The following CCN4 variants were observed in gnomAD, a reference collection of about 807,000 sequenced individuals.
CCN4 encodes the protein CCN family member 4.
CCN4 carries 30 observed loss-of-function variants against 36.7 expected under a neutral mutation model. That is an observed-to-expected ratio of 0.82 (90% confidence interval 0.61 to 1.11). CCN4 has a LOEUF of 1.11. Ranked by LOEUF, CCN4 falls within the 50% of genes least tolerant of loss-of-function variation. CCN4 has a pLI of 0.00. For synonymous variants in CCN4, 191 were observed against 195.4 expected, an observed-to-expected ratio of 0.98 and a Z score of 0.19; for missense variants, 505 against 504.9, an observed-to-expected ratio of 1.00 and a Z score of 0.00.
At chr8:133,217,753 C>G (rs1482202361) in intron 2 of CCN4, among the ~76,000 whole-genome samples, 2 of 152,136 alleles carry the variant, frequency 1.3e-5, no homozygotes, top group Non-Finnish European at 2.9e-5. Context: ...GGTTCACCCC[C>G]ATATTCTGAG....
At chr8:133,206,100 G>T (rs943807856) in intron 1 of CCN4, among the ~76,000 whole-genome samples, 1 of 152,138 alleles carries the variant, frequency 6.6e-6, no homozygotes, top group African/African-American at 2.4e-5. Context: ...CCAAACCAGG[G>T]TACTAGAGGC....
rs1040361694 is a variant in CCN4 at position 133,227,799 on chromosome 8, T to C, written c.*89T>C. 7.0e-7 allele frequency: 1 copy of C among 1,421,374 alleles called. No homozygotes were observed. The highest frequency in any genetic ancestry group is 2.3e-5 in the East Asian group (1 of 43,270). 88.0% of individuals were successfully genotyped at this position (1,421,374 alleles called of 1,614,324 possible). ...CCAATAACTTTTCACCAATGAGCCT[T>C]AGTTACCCTGATCTGGACCCTTGGC... is the stretch of plus-strand genomic sequence containing the variant. On this transcript the variant is annotated 3_prime_UTR_variant, in exon 5 of 5. Coordinates refer to ENST00000250160, the MANE Select transcript of CCN4 (RefSeq NM_003882.4).
At chr8:133,200,040 GGTATCCTT>G (rs918097453) in intron 1 of CCN4, among the ~76,000 whole-genome samples, 1 of 152,162 alleles carries the variant, frequency 6.6e-6, no homozygotes, top group Non-Finnish European at 1.5e-5. Flanking sequence ...AGCTCCTAGG[GGTATCCTT>G]GTGTGTCAGT....
intron 1 of CCN4, among the ~76,000 whole-genome samples, chr8:133,209,734 C>T (rs1446187632): frequency 6.6e-6 from 1 of 152,226 alleles, no homozygotes; most frequent in Non-Finnish European, 1.5e-5. Flanking sequence ...CTGTTCTGGG[C>T]ACAGTGGGGT....
intron 1 of CCN4, among the ~76,000 whole-genome samples, chr8:133,208,877 G>A (rs1205157516): frequency 6.6e-6 from 1 of 152,176 alleles, no homozygotes; most frequent in East Asian, 1.9e-4. Context: ...AATAAAAGCT[G>A]ACTACAGGTG....
chr8:133,225,374 TG>T lies in CCN4; in HGVS notation c.611-15del, dbSNP rs1854688444. The T allele has an allele frequency of 3.8e-6, 6 of 1,575,694 alleles. No individual in the cohort carries two copies. Among genetic ancestry groups the T allele is most frequent in the Non-Finnish European group, 5.2e-6 (6 of 1,156,128 alleles). On this transcript the variant is annotated splice_polypyrimidine_tract_variant and intron_variant, in intron 3 of 4. Coordinates refer to ENST00000250160, the MANE Select transcript of CCN4 (RefSeq NM_003882.4). ...GGGAGCTGTAGATTCATGCAGATTCTGTTCCCCACACACAGATGCTGTGGGT... is the reference window on the plus strand; with the variant it reads ...GGGAGCTGTAGATTCATGCAGATTCTTTCCCCACACACAGATGCTGTGGGT...
chr8:133,225,399 G>A lies in CCN4; in HGVS notation c.620G>A (p.Gly207Asp), dbSNP rs1854690885. ...PRDTGAFDAV[G>D]EVEAWHRNCI... Reference sequence around the variant, plus strand: ...TGTTCCCCACACACAGATGCTGTGGGTGAGGTGGAGGCATGGCACAGGAAC... The same window carrying A: ...TGTTCCCCACACACAGATGCTGTGGATGAGGTGGAGGCATGGCACAGGAAC... Residue 207 changes from glycine to aspartate, a missense_variant, in exon 4 of 5, where the codon GGT (glycine) becomes GAT (aspartate). Transcript: ENST00000250160. 6.9e-6 allele frequency: 11 copies of A among 1,600,290 alleles called. No individual in the cohort carries two copies. The African/African-American group carries it at 8.0e-5, about 12-fold the overall frequency.
chr8:133,204,793 T>A (rs1215355929), intron 1 of CCN4, among the ~76,000 whole-genome samples: 1 of 152,198 alleles, frequency 6.6e-6, no homozygotes, highest in Non-Finnish European at 1.5e-5. Context: ...TGACCTCGAG[T>A]GATCCACCTG....
At chr8:133,227,322 T>G (rs548670827) in intron 4 of CCN4, 89 bp from the exon 5 acceptor site, 21 of 1,401,916 alleles carry the variant, frequency 1.5e-5, no homozygotes, top group Non-Finnish European at 1.9e-5. Flanking sequence ...TCCCACATAG[T>G]GAGAAGGGAA....
intron 1 of CCN4, among the ~76,000 whole-genome samples, chr8:133,192,581 T>G (rs927922631): frequency 6.6e-5 from 10 of 152,314 alleles, no homozygotes; most frequent in African/African-American, 2.4e-4. Context: ...CCATTCCTAC[T>G]TAGGGGAAGC....
In CCN4 at chr8:133,227,818, C is replaced by T. The variant is rs1418502272; in HGVS notation, c.*108C>T. 17 of 1,236,752 alleles carry T rather than the reference C, an allele frequency of 1.4e-5. No homozygotes were observed. The highest frequency in any genetic ancestry group is 1.8e-5 in the Non-Finnish European group (16 of 900,200). 76.6% of individuals were successfully genotyped at this position (1,236,752 alleles called of 1,614,324 possible). ...GAGCCTTAGTTACCCTGATCTGGAC[C>T]CTTGGCCTCCATTTCTGTCTCTAAC... is the stretch of plus-strand genomic sequence containing the variant. On this transcript the variant is annotated 3_prime_UTR_variant, in exon 5 of 5. Transcript: ENST00000250160.
At chr8:133,199,059 T>C (rs548077817) in intron 1 of CCN4, among the ~76,000 whole-genome samples, 9 of 152,298 alleles carry the variant, frequency 5.9e-5, no homozygotes, top group African/African-American at 1.9e-4. Context: ...GGAACACCAC[T>C]GATTTTTTTT....
Position 133,209,418 on chromosome 8 carries a change from G to A in CCN4, c.70-3446G>A, listed in dbSNP as rs372071496. Reference sequence around the variant, plus strand: ...GATCTTGTCCAGCACCTTCTCCTGAGTCTGGGAGATTTTCTACCACTAGAT... The same window carrying A: ...GATCTTGTCCAGCACCTTCTCCTGAATCTGGGAGATTTTCTACCACTAGAT... On this transcript the variant is annotated intron_variant, in intron 1 of 4. Coordinates refer to ENST00000250160, the MANE Select transcript of CCN4 (RefSeq NM_003882.4). Among the ~76,000 whole-genome samples, 18 of 152,190 alleles carry A rather than the reference G, an allele frequency of 1.2e-4. No individual in the cohort carries two copies. In the East Asian group the frequency reaches 1.5e-3, roughly 13 times the overall value.
chr8:133,219,456 C>G (rs1386876133), intron 2 of CCN4, among the ~76,000 whole-genome samples: 1 of 152,224 alleles, frequency 6.6e-6, no homozygotes, highest in Non-Finnish European at 1.5e-5. Flanking sequence ...TCCCCATCCA[C>G]CTGATTTAAC....
At chr8:133,227,332 A>G in intron 4 of CCN4, 79 bp from the exon 5 acceptor site, 1 of 1,479,794 alleles carries the variant, frequency 6.8e-7, no homozygotes, top group South Asian at 1.3e-5. Context: ...TGAGAAGGGA[A>G]AAACTGGGGG....
Position 133,228,076 on chromosome 8 carries a change from C to T in CCN4, c.*366C>T, listed in dbSNP as rs1490834258. On this transcript the variant is annotated 3_prime_UTR_variant, in exon 5 of 5. Coordinates refer to ENST00000250160, the MANE Select transcript of CCN4 (RefSeq NM_003882.4). The stretch of plus-strand genomic sequence containing the variant: ...CTAATTTCTTCTTTAGATGCCAAAC[C>T]ACAAGACTCTTTGGGTCCATTCAGA... 5.1e-6 allele frequency: 1 copy of T among 195,610 alleles called. No homozygotes were observed. The allele number at this position is 195,610 out of a possible 1,614,324, so 12.1% of individuals were successfully genotyped here.
In CCN4 at chr8:133,223,459, C is replaced by T. The variant is rs553468289; in HGVS notation, c.611-1931C>T. On this transcript the variant is annotated intron_variant, in intron 3 of 4. Transcript: ENST00000250160. ...TCCCTCTCTCACTCAGTGATTCCTGCATTCATTCATCAATGTTCCCAGCAC... is the reference window on the plus strand; with the variant it reads ...TCCCTCTCTCACTCAGTGATTCCTGTATTCATTCATCAATGTTCCCAGCAC... Among the ~76,000 whole-genome samples, 3 of 152,264 alleles carry T rather than the reference C, an allele frequency of 2.0e-5. No homozygotes were observed. In the East Asian group the frequency reaches 5.8e-4, roughly 29 times the overall value.
At chr8:133,219,100 G>A (rs997198784) in intron 2 of CCN4, among the ~76,000 whole-genome samples, 4 of 152,048 alleles carry the variant, frequency 2.6e-5, no homozygotes, top group Admixed American at 1.3e-4. Context: ...ACTCAGCACC[G>A]TGAGTGTTCT....
At chr8:133,213,661 T>G (rs1002426961) in intron 2 of CCN4, among the ~76,000 whole-genome samples, 2 of 149,386 alleles carry the variant, frequency 1.3e-5, no homozygotes, top group Non-Finnish European at 3.0e-5. Context: ...TTCTAGTTAT[T>G]TCTTCTGAAA....
Sources: allele counts gnomAD v4.1 joint callset (sites outside exome capture counted in the v4.1 genomes callset), GRCh38; gene constraint gnomAD v4.1.1; transcripts MANE v1.5; gene names NCBI Gene and HGNC (gene_info 2026-07-23, HGNC 2026-07-21).